HS6ST3: variants seen among roughly 807,000 people sequenced by gnomAD.
The protein encoded by HS6ST3 is heparan sulfate 6-O-sulfotransferase 3.
HS6ST3 carries 12 observed loss-of-function variants against 36.7 expected under a neutral mutation model. The observed-to-expected ratio is 0.33, with a 90% CI of 0.21 to 0.53. The LOEUF (loss-of-function observed/expected upper bound fraction) is 0.53. Ranked by LOEUF, HS6ST3 falls within the 20% of genes least tolerant of loss-of-function variation. HS6ST3 has a pLI of 0.95. For synonymous variants in HS6ST3, 240 were observed against 257.5 expected, an observed-to-expected ratio of 0.93 and a Z score of 0.65; for missense variants, 584 against 640.9, an observed-to-expected ratio of 0.91 and a Z score of 0.96.
At chr13:96,508,310 A>G (rs190207266) in intron 1 of HS6ST3, among the ~76,000 whole-genome samples, 1 of 152,068 alleles carries the variant, frequency 6.6e-6, no homozygotes, top group African/African-American at 2.4e-5. Context: ...TTTATTCCAT[A>G]ACTGGCTGGA....
At chr13:96,462,404 T>A (rs1378942454) in intron 1 of HS6ST3, among the ~76,000 whole-genome samples, 4 of 152,200 alleles carry the variant, frequency 2.6e-5, no homozygotes, top group African/African-American at 9.7e-5. Context: ...AAAAAGGAAT[T>A]TGAAGAACAT....
chr13:96,700,385 CCTCCCACAACA>C (rs1875253319), intron 1 of HS6ST3, among the ~76,000 whole-genome samples: 1 of 152,058 alleles, frequency 6.6e-6, no homozygotes. Context: ...CCACCAGGTC[CCTCCCACAACA>C]CATAGGAATT....
intron 1 of HS6ST3, among the ~76,000 whole-genome samples, chr13:96,346,342 A>C (rs554167825): frequency 6.6e-6 from 1 of 152,286 alleles, no homozygotes; most frequent in Admixed American, 6.5e-5. Flanking sequence ...TGGGAGGCCA[A>C]GGTGGGCGGA....
intron 1 of HS6ST3, among the ~76,000 whole-genome samples, chr13:96,624,358 A>C (rs1021655812): frequency 5.3e-5 from 8 of 152,166 alleles, no homozygotes; most frequent in African/African-American, 1.9e-4. Context: ...TACATATGTA[A>C]CCATAAACCA....
intron 1 of HS6ST3, among the ~76,000 whole-genome samples, chr13:96,708,609 T>C (rs1875485946): frequency 1.3e-5 from 2 of 152,120 alleles, no homozygotes; most frequent in African/African-American, 4.8e-5. Context: ...TATACACAAC[T>C]AGGTAGCTTT....
intron 1 of HS6ST3, among the ~76,000 whole-genome samples, chr13:96,270,645 G>A (rs2054715238): frequency 6.6e-6 from 1 of 151,804 alleles, no homozygotes; most frequent in African/African-American, 2.4e-5. Flanking sequence ...GCATCTGGAA[G>A]AAGAAAGTTA....
chr13:96,627,161 A>G (rs779972685), intron 1 of HS6ST3, among the ~76,000 whole-genome samples: 2 of 152,056 alleles, frequency 1.3e-5, no homozygotes, highest in African/African-American at 2.4e-5. Flanking sequence ...GTATGTTTTT[A>G]TACAGCCCCT....
At chr13:96,818,193 AT>A (rs973591472) in intron 1 of HS6ST3, among the ~76,000 whole-genome samples, 3 of 152,152 alleles carry the variant, frequency 2.0e-5, no homozygotes, top group African/African-American at 7.2e-5. Context: ...GAACGAATTG[AT>A]TTTTTTCTGG....
intron 1 of HS6ST3, among the ~76,000 whole-genome samples, chr13:96,537,535 C>A (rs1028596562): frequency 1.8e-4 from 28 of 152,182 alleles, no homozygotes; most frequent in Non-Finnish European, 4.0e-4. Flanking sequence ...CCATTAAAAT[C>A]ATTTATTCTA....
chr13:96,620,491 C>G (rs1468028629), intron 1 of HS6ST3, among the ~76,000 whole-genome samples: 1 of 152,154 alleles, frequency 6.6e-6, no homozygotes, highest in Non-Finnish European at 1.5e-5. Flanking sequence ...CTACCCAGGC[C>G]TTGAACATCT....
intron 1 of HS6ST3, among the ~76,000 whole-genome samples, chr13:96,433,591 C>T (rs959000494): frequency 6.6e-6 from 1 of 152,218 alleles, no homozygotes; most frequent in Admixed American, 6.5e-5. Flanking sequence ...CCTTCACCTT[C>T]CGCCATGATT....
intron 1 of HS6ST3, among the ~76,000 whole-genome samples, chr13:96,700,484 C>G (rs1875256339): frequency 6.6e-6 from 1 of 152,154 alleles, no homozygotes; most frequent in Non-Finnish European, 1.5e-5. Flanking sequence ...AGGACCTGAG[C>G]ATTTCTTTCC....
intron 1 of HS6ST3, among the ~76,000 whole-genome samples, chr13:96,153,373 G>C (rs1007918583): frequency 6.6e-6 from 1 of 152,116 alleles, no homozygotes; most frequent in Non-Finnish European, 1.5e-5. Context: ...TTAAATCTGT[G>C]CAATGCGGGG....
At chr13:96,764,957 G>C (rs1877062036) in intron 1 of HS6ST3, among the ~76,000 whole-genome samples, 1 of 151,632 alleles carries the variant, frequency 6.6e-6, no homozygotes, top group South Asian at 2.1e-4. Context: ...ATGTCGTTAA[G>C]CCTAGTTACC....
intron 1 of HS6ST3, among the ~76,000 whole-genome samples, chr13:96,345,300 T>C (rs2055148311): frequency 6.6e-6 from 1 of 152,300 alleles, no homozygotes; most frequent in African/African-American, 2.4e-5. Flanking sequence ...GAAATATTCT[T>C]ATTTATATTG....
rs1033336909 is a variant in HS6ST3, at chr13:96,835,910, C to T, written c.*2712C>T. The T allele has an allele frequency of 1.2e-4, 19 of 152,158 alleles. No individual in the cohort carries two copies. The highest frequency in any genetic ancestry group is 4.3e-4 in the African/African-American group (18 of 41,436). 9.4% of individuals were successfully genotyped at this position (152,158 alleles called of 1,614,324 possible). A position where few individuals can be genotyped will look rare whatever the true frequency, so the allele number is the denominator to read the frequency against. The stretch of plus-strand genomic sequence containing the variant: ...CCAGCTCTTTATGTTGGCCCCAGGC[C>T]AGTACTAAGCAAATTAAAAAGACCG... On this transcript the variant is annotated 3_prime_UTR_variant, in exon 2 of 2. Transcript: ENST00000376705.
At chr13:96,450,406 C>A (rs1349218171) in intron 1 of HS6ST3, among the ~76,000 whole-genome samples, 1 of 152,142 alleles carries the variant, frequency 6.6e-6, no homozygotes, top group Non-Finnish European at 1.5e-5. Flanking sequence ...CTGTCGTTGA[C>A]TTTTTATAGA....
At chr13:96,605,988 G>T (rs1253887569) in intron 1 of HS6ST3, among the ~76,000 whole-genome samples, 1 of 151,926 alleles carries the variant, frequency 6.6e-6, no homozygotes, top group Admixed American at 6.6e-5. Context: ...ATCATCACTT[G>T]TCATCAGATA....
chr13:96,505,954 A>G (rs574299695), intron 1 of HS6ST3, among the ~76,000 whole-genome samples: 12 of 152,230 alleles, frequency 7.9e-5, no homozygotes, highest in African/African-American at 2.4e-4. Flanking sequence ...ATGGTTCTGA[A>G]TTTAACTTTG....
Sources: allele counts gnomAD v4.1 joint callset (sites outside exome capture counted in the v4.1 genomes callset), GRCh38; gene constraint gnomAD v4.1.1; transcripts MANE v1.5; gene names NCBI Gene and HGNC (gene_info 2026-07-23, HGNC 2026-07-21).